The following XKR4 variants were observed in gnomAD, a reference collection of about 807,000 sequenced individuals.
XKR4 encodes the protein XK-related protein 4.
Under a neutral mutation model 53.9 loss-of-function variants are expected in XKR4, and 12 were observed. The ratio of observed to expected loss-of-function variants is 0.22; its 90% CI spans 0.14 to 0.36. XKR4 has a LOEUF of 0.36. XKR4 is among the 10% of genes least tolerant of loss of function. The probability of loss-of-function intolerance (pLI) is 1.00; values close to 1 mark genes in which losing one functional copy is unlikely to be tolerated. For synonymous variants in XKR4, 354 were observed against 362.4 expected (o/e 0.98, Z 0.26); for missense variants, 799 against 859.5 (o/e 0.93, Z 0.88).
intron 1 of XKR4, among the ~76,000 whole-genome samples, chr8:55,351,631 T>G (rs114176623): frequency 0.01 from 1,550 of 152,322 alleles, 19 homozygotes; most frequent in African/African-American, 0.035. Context: ...ATTTATTCAT[T>G]AATTTGTTCA....
chr8:55,511,527 A>G (rs576824859), intron 2 of XKR4, among the ~76,000 whole-genome samples: 1 of 151,916 alleles, frequency 6.6e-6, no homozygotes, highest in Non-Finnish European at 1.5e-5. Flanking sequence ...TAGGGACCCT[A>G]TATTATGAGC....
chr8:55,445,576 C>T (rs1296686083), intron 2 of XKR4, among the ~76,000 whole-genome samples: 5 of 151,844 alleles, frequency 3.3e-5, no homozygotes, highest in Non-Finnish European at 7.4e-5. Flanking sequence ...AATTTCTGGC[C>T]TGAAATTATG....
chr8:55,433,576 G>C (rs1805131841), intron 2 of XKR4, among the ~76,000 whole-genome samples: 2 of 152,176 alleles, frequency 1.3e-5, no homozygotes, highest in African/African-American at 4.8e-5. Flanking sequence ...CAAGAAAAAA[G>C]GCATTGTCAC....
chr8:55,147,001 A>G (rs1816779569), intron 1 of XKR4, among the ~76,000 whole-genome samples: 1 of 152,226 alleles, frequency 6.6e-6, no homozygotes, highest in Admixed American at 6.5e-5. Flanking sequence ...ATCCAACACA[A>G]TGAAATGCTG....
At chr8:55,367,270 C>A (rs1179746734) in intron 2 of XKR4, among the ~76,000 whole-genome samples, 1 of 151,890 alleles carries the variant, frequency 6.6e-6, no homozygotes, top group Non-Finnish European at 1.5e-5. Context: ...TTCTTTCATT[C>A]AGTGTTGTGC....
intron 1 of XKR4, among the ~76,000 whole-genome samples, chr8:55,279,520 G>T (rs939629108): frequency 6.6e-6 from 1 of 152,164 alleles, no homozygotes; most frequent in East Asian, 1.9e-4. Context: ...CCTCTATTTT[G>T]TTATACATCA....
intron 1 of XKR4, among the ~76,000 whole-genome samples, chr8:55,305,966 G>A (rs1819292934): frequency 6.6e-6 from 1 of 152,184 alleles, no homozygotes; most frequent in Non-Finnish European, 1.5e-5. Context: ...ACCAAGAAAT[G>A]TAGGTAAATT....
intron 2 of XKR4, among the ~76,000 whole-genome samples, chr8:55,513,421 G>A (rs1806659880): frequency 6.6e-6 from 1 of 152,192 alleles, no homozygotes; most frequent in Non-Finnish European, 1.5e-5. Context: ...AGCATGGTCA[G>A]GGGTGAGGCT....
At chr8:55,344,593 T>C (rs1803607823) in intron 1 of XKR4, among the ~76,000 whole-genome samples, 1 of 152,214 alleles carries the variant, frequency 6.6e-6, no homozygotes, top group Non-Finnish European at 1.5e-5. Flanking sequence ...TCCATTTGAA[T>C]ACACATTTTA....
intron 1 of XKR4, among the ~76,000 whole-genome samples, chr8:55,315,781 A>T (rs1819464741): frequency 6.6e-6 from 1 of 152,190 alleles, no homozygotes; most frequent in Admixed American, 6.5e-5. Flanking sequence ...AAAAGGAGAG[A>T]GTGGCTACCT....
chr8:55,443,560 A>C (rs1450689770), intron 2 of XKR4, among the ~76,000 whole-genome samples: 3 of 138,806 alleles, frequency 2.2e-5, no homozygotes, highest in African/African-American at 5.1e-5. Flanking sequence ...AAAAAAACAG[A>C]AGGAGGGGAG....
chr8:55,525,063 G>A lies in XKR4; in HGVS notation c.*836G>A, dbSNP rs1430411926. 6.6e-6 allele frequency: 1 copy of A among 152,630 alleles called. No homozygotes were observed. The highest frequency in any genetic ancestry group is 1.5e-5 in the Non-Finnish European group (1 of 68,046). The allele number at this position is 152,630 out of a possible 1,614,324, so 9.5% of individuals were successfully genotyped here. On this transcript the variant is annotated 3_prime_UTR_variant, in exon 3 of 3. Coordinates refer to ENST00000327381, the MANE Select transcript of XKR4 (RefSeq NM_052898.2). ...TGTAACAGGTACACAAAGAGGAAGT[G>A]GGGAAAAAGGCAAAATGAGAGTCTG...
chr8:55,332,561 T>C (rs1019641295), intron 1 of XKR4, among the ~76,000 whole-genome samples: 16 of 152,108 alleles, frequency 1.1e-4, no homozygotes, highest in African/African-American at 2.9e-4. Flanking sequence ...AAGGACAGTG[T>C]TGCCAGATAT....
At chr8:55,465,603 A>C (rs1805753657) in intron 2 of XKR4, among the ~76,000 whole-genome samples, 1 of 151,658 alleles carries the variant, frequency 6.6e-6, no homozygotes, top group Non-Finnish European at 1.5e-5. Context: ...AAAACACCAA[A>C]AGCAATGGCA....
chr8:55,483,500 A>G (rs1177313930), intron 2 of XKR4, among the ~76,000 whole-genome samples: 2 of 152,146 alleles, frequency 1.3e-5, no homozygotes, highest in Non-Finnish European at 2.9e-5. Context: ...AATTGAGCCA[A>G]GATATGAAGG....
chr8:55,319,468 A>C (rs1803173504), intron 1 of XKR4, among the ~76,000 whole-genome samples: 1 of 152,200 alleles, frequency 6.6e-6, no homozygotes, highest in Admixed American at 6.5e-5. Flanking sequence ...CAGTGAAGTC[A>C]TTTGCGATGT....
intron 1 of XKR4, among the ~76,000 whole-genome samples, chr8:55,228,326 G>C (rs970298360): frequency 6.7e-6 from 1 of 148,548 alleles, no homozygotes; most frequent in Non-Finnish European, 1.5e-5. Flanking sequence ...CCTTAAGTAC[G>C]ATTTGCTAAA....
intron 2 of XKR4, among the ~76,000 whole-genome samples, chr8:55,449,026 A>C (rs1361820085): frequency 6.6e-6 from 1 of 152,152 alleles, no homozygotes; most frequent in Admixed American, 6.5e-5. Context: ...TTATATAAAT[A>C]GTAAATGACT....
chr8:55,519,657 A>G (rs964277490), intron 2 of XKR4, among the ~76,000 whole-genome samples: 1 of 152,192 alleles, frequency 6.6e-6, no homozygotes, highest in Non-Finnish European at 1.5e-5. Context: ...TTTGGAATGG[A>G]CATTGTTAAT....
Sources: gnomAD v4.1 joint callset for allele counts (sites outside exome capture counted in the v4.1 genomes callset) on GRCh38, gnomAD v4.1.1 for gene constraint, MANE v1.5 for transcripts, NCBI Gene and HGNC (gene_info 2026-07-23, HGNC 2026-07-21) for gene names.